KCNH1: variants seen among roughly 807,000 people sequenced by gnomAD.
The protein encoded by KCNH1 is potassium voltage-gated channel subfamily H member 1, also known as voltage-gated delayed rectifier potassium channel KCNH1.
A neutral mutation model predicts 69.2 loss-of-function variants in KCNH1; 27 were observed. The observed-to-expected ratio is 0.39, with a 90% CI of 0.29 to 0.54. The LOEUF (loss-of-function observed/expected upper bound fraction) is 0.54, where lower values mean the gene tolerates loss of function less well. Among genes scored for constraint, KCNH1 ranks in the 20% least tolerant of loss-of-function variants. KCNH1 has a pLI of 0.68. For synonymous variants in KCNH1, 456 were observed against 487.7 expected, an observed-to-expected ratio of 0.93 and a Z score of 0.86; for missense variants, 798 against 1,261.6, an observed-to-expected ratio of 0.63 and a Z score of 5.57.
intron 10 of KCNH1, among the ~76,000 whole-genome samples, chr1:210,734,162 C>T (rs1231872254): frequency 6.6e-6 from 1 of 152,090 alleles, no homozygotes; most frequent in Admixed American, 6.6e-5. Context: ...ACATTGAATT[C>T]CAAATGATTA....
At chr1:210,864,795 A>G (rs1387592946) in intron 7 of KCNH1, among the ~76,000 whole-genome samples, 1 of 152,182 alleles carries the variant, frequency 6.6e-6, no homozygotes, top group East Asian at 1.9e-4. Flanking sequence ...TTATACCTGG[A>G]GCCTCAGCCG....
intron 7 of KCNH1, among the ~76,000 whole-genome samples, chr1:210,808,761 C>T (rs1684638962): frequency 6.6e-6 from 1 of 152,010 alleles, no homozygotes; most frequent in Admixed American, 6.6e-5. Flanking sequence ...ATATTGGTAT[C>T]TTATATATAA....
chr1:210,915,152 G>T (rs550325937), intron 7 of KCNH1, among the ~76,000 whole-genome samples: 2 of 152,246 alleles, frequency 1.3e-5, no homozygotes, highest in Non-Finnish European at 1.5e-5. Flanking sequence ...TCCTTTGAGG[G>T]ATTCCTCAAA....
intron 10 of KCNH1, among the ~76,000 whole-genome samples, chr1:210,755,558 C>T (rs1683381249): frequency 6.6e-6 from 1 of 152,216 alleles, no homozygotes; most frequent in Non-Finnish European, 1.5e-5. Flanking sequence ...CAAGCCCTTC[C>T]CTGGGTTTTC....
intron 6 of KCNH1, among the ~76,000 whole-genome samples, chr1:211,016,779 C>T (rs1051493352): frequency 4.0e-5 from 6 of 151,312 alleles, no homozygotes; most frequent in African/African-American, 1.5e-4. Flanking sequence ...CACAGTGACA[C>T]GTGCCTATAA....
intron 10 of KCNH1, among the ~76,000 whole-genome samples, chr1:210,764,545 G>C (rs560302414): frequency 1.3e-5 from 2 of 152,268 alleles, no homozygotes; most frequent in East Asian, 3.9e-4. Context: ...TCATTAAAAA[G>C]TGGGCAAACG....
chr1:211,029,564 A>C (rs1330429071), intron 5 of KCNH1, among the ~76,000 whole-genome samples: 1 of 152,148 alleles, frequency 6.6e-6, no homozygotes, highest in East Asian at 1.9e-4. Flanking sequence ...AACTTAATAA[A>C]GAGCATCTAC....
chr1:210,709,739 AGAAAG>A (rs200327977), intron 10 of KCNH1, among the ~76,000 whole-genome samples: 56 of 78,270 alleles, frequency 7.2e-4, no homozygotes, highest in South Asian at 1.9e-3. Flanking sequence ...AGAGAGAGAG[AGAAAG>A]AGAGAGAGAG....
intron 6 of KCNH1, among the ~76,000 whole-genome samples, chr1:210,925,203 G>A (rs1010966320): frequency 2.6e-5 from 4 of 152,136 alleles, no homozygotes; most frequent in South Asian, 2.1e-4. Flanking sequence ...TCAAAACAAC[G>A]CTCTTAAAGA....
intron 10 of KCNH1, among the ~76,000 whole-genome samples, chr1:210,704,290 T>TATCA (rs1681851129): frequency 1.3e-5 from 2 of 152,152 alleles, no homozygotes; most frequent in African/African-American, 4.8e-5. Flanking sequence ...GCGTTTAGGT[T>TATCA]ATCAACCTCA....
intron 6 of KCNH1, among the ~76,000 whole-genome samples, chr1:210,954,063 A>T (rs570962547): frequency 5.9e-4 from 81 of 137,056 alleles, no homozygotes; most frequent in Admixed American, 1.3e-3. Flanking sequence ...CCAGCCCCCC[A>T]TCCCAAGACA....
intron 6 of KCNH1, among the ~76,000 whole-genome samples, chr1:210,998,417 G>C (rs1208612418): frequency 1.3e-5 from 2 of 152,094 alleles, no homozygotes; most frequent in Non-Finnish European, 2.9e-5. Context: ...GACAAAGAAG[G>C]TCATTACATA....
At chr1:210,786,680 C>G (rs1684110825) in intron 9 of KCNH1, among the ~76,000 whole-genome samples, 1 of 152,176 alleles carries the variant, frequency 6.6e-6, no homozygotes, top group Admixed American at 6.5e-5. Context: ...AGTCCAGAAT[C>G]TCCCACTGGC....
chr1:210,793,338 T>C (rs1684246323), intron 9 of KCNH1, among the ~76,000 whole-genome samples: 3 of 152,196 alleles, frequency 2.0e-5, no homozygotes, highest in Non-Finnish European at 2.9e-5. Context: ...ATTTTTTTAA[T>C]GAAAGAGAAC....
In KCNH1 at chr1:210,859,409, C is replaced by A. The variant is rs372625652; in HGVS notation, c.1463-55243G>T. The A allele has an allele frequency of 2.2e-5, 35 of 1,600,080 alleles. No individual in the cohort carries two copies. The East Asian group carries it at 4.9e-4, about 22-fold the overall frequency. ...ATGGTTTGAAAGATAGCTTTAAATA[C>A]CTGATACTCATCAACAGGGTTATCT... On this transcript the variant is annotated intron_variant, in intron 7 of 10. Coordinates refer to ENST00000271751, the MANE Select transcript of KCNH1 (RefSeq NM_172362.3).
Position 211,094,792 on chromosome 1 carries a change from A to G in KCNH1, c.311-4102T>C, listed in dbSNP as rs540843504. Among the ~76,000 whole-genome samples, 9 of 152,304 alleles carry G rather than the reference A, an allele frequency of 5.9e-5. No homozygotes were observed. The South Asian group carries it at 1.7e-3, about 28-fold the overall frequency. ...AAGAAAGTGAGTAGAATGGGCTTAA[A>G]TTTTCGTTTCTGGAATTCTTTCAGA... On this transcript the variant is annotated intron_variant, in intron 3 of 10. Transcript: ENST00000271751.
intron 6 of KCNH1, among the ~76,000 whole-genome samples, chr1:210,954,427 G>C (rs1688127902): frequency 6.6e-6 from 1 of 152,098 alleles, no homozygotes; most frequent in South Asian, 2.1e-4. Context: ...CCCAGTAATG[G>C]GATTGCTGGG....
intron 6 of KCNH1, among the ~76,000 whole-genome samples, chr1:211,016,669 G>A (rs1024672360): frequency 1.3e-5 from 2 of 151,982 alleles, no homozygotes; most frequent in Non-Finnish European, 2.9e-5. Flanking sequence ...AGCTCTTTAG[G>A]AGGCCGAGGC....
chr1:211,081,036 C>T (rs996472475), intron 5 of KCNH1, among the ~76,000 whole-genome samples: 25 of 152,154 alleles, frequency 1.6e-4, no homozygotes, highest in African/African-American at 5.8e-4. Context: ...AGGCAACCTA[C>T]AAAATGGGAG....
Sources: allele counts gnomAD v4.1 joint callset (sites outside exome capture counted in the v4.1 genomes callset), GRCh38; gene constraint gnomAD v4.1.1; transcripts MANE v1.5; gene names NCBI Gene and HGNC (gene_info 2026-07-23, HGNC 2026-07-21).